The following BRCA1 variants were observed in gnomAD, a reference collection of about 807,000 sequenced individuals.
BRCA1 encodes BRCA1 DNA repair associated, also known as breast cancer type 1 susceptibility protein.
In BRCA1, 140 loss-of-function variants were observed where a neutral mutation model predicts 173.7. That is an observed-to-expected ratio of 0.81 (90% CI 0.70 to 0.93). The LOEUF (loss-of-function observed/expected upper bound fraction) is 0.93, where lower values mean the gene tolerates loss of function less well. Among genes scored for constraint, BRCA1 ranks in the 40% least tolerant of loss-of-function variants. BRCA1 has a pLI of 0.00. For missense variants in BRCA1, 1,983 were observed against 2,172.5 expected (o/e 0.91, Z 1.73); for synonymous variants, 662 against 756.0 (o/e 0.88, Z 2.04).
At chr17:43,056,999 G>A (rs2051489655) in intron 19 of BRCA1, 53 bp downstream of exon 19, 1 of 1,519,282 alleles carries the variant, frequency 6.6e-7, no homozygotes, top group Non-Finnish European at 9.1e-7. Context: ...AAGGGGAGTG[G>A]AATACAGAGT....
chr17:43,125,118 C>G (rs923278479), intron 1 of BRCA1, 153 bp downstream of exon 1: 61 of 448,390 alleles, frequency 1.4e-4, no homozygotes, highest in African/African-American at 1.2e-3. Flanking sequence ...AACTGCCCCC[C>G]TCCCCAGGGT....
In BRCA1 at chr17:43,099,776, C is replaced by T. The variant is rs1464752950; in HGVS notation, c.546G>A (p.Leu182=). 6.2e-7 allele frequency: 1 copy of T among 1,602,634 alleles called. No homozygotes were observed. Among genetic ancestry groups the T allele is most frequent in the Non-Finnish European group, 8.5e-7 (1 of 1,169,694 alleles). ...ACTTAAAAAACCTGAGACCCTTACC[C>T]AATTCAATGTAGACAGACGTCTTTT... ...QPQKTSVYIE[L]GSDSSEDTVN... is the part of the protein sequence containing the mutation. The change falls in exon 7 of 23, where the codon TTG becomes TTA. Residue 182 remains leucine, a splice_region_variant and synonymous_variant. Transcript: ENST00000357654.
intron 11 of BRCA1, 171 bp from the exon 12 acceptor site, chr17:43,082,746 C>A (rs927013163): frequency 1.4e-6 from 1 of 693,358 alleles, no homozygotes; most frequent in Non-Finnish European, 2.4e-6. Context: ...GCAATTAATG[C>A]CCATGAAATT....
intron 12 of BRCA1, among the ~76,000 whole-genome samples, chr17:43,080,724 G>A (rs2052967630): frequency 6.6e-6 from 1 of 151,950 alleles, no homozygotes; most frequent in African/African-American, 2.4e-5. Flanking sequence ...CAGGAGGATC[G>A]CTTGAGGAGG....
chr17:43,139,643 C>T (rs1252806323), intron 1 of BRCA1, among the ~76,000 whole-genome samples: 3 of 152,116 alleles, frequency 2.0e-5, no homozygotes, highest in Admixed American at 6.6e-5. Context: ...CGTGAGCCAC[C>T]GTGCCTGGCC....
intron 1 of BRCA1, chr17:43,139,070 G>T: frequency 3.0e-6 from 2 of 664,180 alleles, no homozygotes; most frequent in Non-Finnish European, 5.4e-6. Flanking sequence ...ATCTGGGGTA[G>T]TGTAACGTAA....
chr17:43,161,830 A>G (rs1436131659), intron 1 of BRCA1: 1 of 152,202 alleles, frequency 6.6e-6, no homozygotes, highest in Non-Finnish European at 1.5e-5. Context: ...CTGCTATTAC[A>G]GTTCCTCCAC....
chr17:43,124,305 C>T (rs2055763041), intron 1 of BRCA1, among the ~76,000 whole-genome samples, 190 bp from the exon 2 acceptor site: 1 of 152,156 alleles, frequency 6.6e-6, no homozygotes, highest in Non-Finnish European at 1.5e-5. Context: ...AATTAGACAA[C>T]ATAAATTCTG....
chr17:43,144,564 T>A (rs2056104789), intron 1 of BRCA1, among the ~76,000 whole-genome samples: 2 of 152,198 alleles, frequency 1.3e-5, no homozygotes, highest in Non-Finnish European at 2.9e-5. Flanking sequence ...GCCCTGTGCT[T>A]CCTCTGCCTG....
intron 19 of BRCA1, 109 bp downstream of exon 19, chr17:43,056,943 G>T: frequency 1.0e-6 from 1 of 956,438 alleles, no homozygotes; most frequent in Non-Finnish European, 1.7e-6. Flanking sequence ...CTAGCACTGT[G>T]TATGTATGTA....
chr17:43,063,678 G>A (rs1013330344), intron 17 of BRCA1, among the ~76,000 whole-genome samples, 196 bp downstream of exon 17: 1 of 152,158 alleles, frequency 6.6e-6, no homozygotes, highest in Non-Finnish European at 1.5e-5. Context: ...AGTTATAAAA[G>A]AGACCCATTT....
chr17:43,063,246 T>A lies in BRCA1; in HGVS notation c.5193+87A>T. 2.8e-6 allele frequency: 3 copies of A among 1,079,960 alleles called. No individual in the cohort carries two copies. The South Asian group carries it at 3.9e-5, about 14-fold the overall frequency. The allele number at this position is 1,079,960 out of a possible 1,614,324, so 66.9% of individuals were successfully genotyped here. A position where few individuals can be genotyped will look rare whatever the true frequency, so the allele number is the denominator to read the frequency against. On this transcript the variant is annotated intron_variant, in intron 18 of 22. Transcript: ENST00000357654. ...AAAATTTGTGCATTGTTAAGGAAAG[T>A]GGTGCATTGATGGAAGGAAGCAAAT...
At position 43,081,188 on chromosome 17, in the gene BRCA1, G is replaced by A. The variant is rs139878952; in HGVS notation, c.4357+1216C>T. ...TCTAGTCTGTGTTTAGACTGAAGAT[G>A]GTGAAAGTACCCTAAAGAAGAGTAT... On this transcript the variant is annotated intron_variant, in intron 12 of 22. Transcript: ENST00000357654. Among the ~76,000 whole-genome samples, 835 of 152,254 alleles carry A rather than the reference G, an allele frequency of 5.5e-3. 4 individuals are homozygous for A. Among genetic ancestry groups the A allele is most frequent in the Admixed American group, 7.3e-3 (112 of 15,286 alleles).
intron 2 of BRCA1, 76 bp from the exon 3 acceptor site, chr17:43,115,855 G>T: frequency 6.9e-7 from 1 of 1,451,734 alleles, no homozygotes; most frequent in Non-Finnish European, 9.4e-7. Flanking sequence ...TATTCTTAGT[G>T]AATAAGTTCA....
At chr17:43,109,260 G>T (rs550721308) in intron 3 of BRCA1, among the ~76,000 whole-genome samples, 3 of 152,100 alleles carry the variant, frequency 2.0e-5, no homozygotes, top group African/African-American at 7.2e-5. Flanking sequence ...GCATCCCAAC[G>T]TGCTGGGATT....
chr17:43,168,219 C>A, intron 1 of BRCA1: 1 of 425,552 alleles, frequency 2.3e-6, no homozygotes, highest in East Asian at 7.9e-5. Context: ...ACATTTTGTA[C>A]TTCTTCAACG....
chr17:43,148,972 G>A (rs765408094), intron 1 of BRCA1, among the ~76,000 whole-genome samples: 11 of 152,060 alleles, frequency 7.2e-5, no homozygotes, highest in Middle Eastern at 6.8e-3. Context: ...GATATTTTGC[G>A]GGGGACTGGT....
At chr17:43,096,436 G>A (rs1051830792) in intron 8 of BRCA1, among the ~76,000 whole-genome samples, 2 of 150,094 alleles carry the variant, frequency 1.3e-5, no homozygotes, top group African/African-American at 2.4e-5. Flanking sequence ...ACCGGGCGTG[G>A]TGGTGTATAC....
rs188973804 is a variant in BRCA1 at position 43,169,023 on chromosome 17, C to T, written c.-20+1103G>A. 4.3e-3 allele frequency among the ~76,000 whole-genome samples: 656 copies of T among 152,270 alleles called. 6 individuals carry two copies. Among genetic ancestry groups the T allele is most frequent in the African/African-American group, 0.014 (600 of 41,540 alleles). On this transcript the variant is annotated intron_variant, in intron 1 of 7. Transcript: ENST00000634433. ...GGCAGCATCTGTTACTACTGACGCT[C>T]CTCTACTTCCCTCTTGCGCTTTCTC... is the stretch of plus-strand genomic sequence containing the variant.
Sources: gnomAD v4.1 joint callset for allele counts (sites outside exome capture counted in the v4.1 genomes callset) on GRCh38, gnomAD v4.1.1 for gene constraint, MANE v1.5 for transcripts, NCBI Gene and HGNC (gene_info 2026-07-23, HGNC 2026-07-21) for gene names.